ASXL3: variants seen among roughly 807,000 people sequenced by gnomAD.
The protein encoded by ASXL3 is putative Polycomb group protein ASXL3.
A neutral mutation model predicts 170.6 loss-of-function variants in ASXL3; 34 were observed. The ratio of observed to expected loss-of-function variants is 0.20; its 90% CI spans 0.15 to 0.27. The LOEUF is 0.27. ASXL3 is among the 10% of genes least tolerant of loss of function. The pLI is 1.00. For synonymous variants in ASXL3, 1,002 were observed against 989.1 expected, an observed-to-expected ratio of 1.01 and a Z score of -0.24; for missense variants, 2,592 against 2,695.3, an observed-to-expected ratio of 0.96 and a Z score of 0.85.
In ASXL3 at chr18:33,638,011, C is replaced by T. The variant is rs181047485; in HGVS notation, c.138-6883C>T. ...GCTTGACATACATAAATAGAGTGCT[C>T]AATAAATGTTTGTTCAGTGAAAGAA... is the stretch of plus-strand genomic sequence containing the variant. On this transcript the variant is annotated intron_variant, in intron 2 of 11. Coordinates refer to ENST00000269197, the MANE Select transcript of ASXL3 (RefSeq NM_030632.3). Among the ~76,000 whole-genome samples, 698 of 151,956 alleles carry T rather than the reference C, an allele frequency of 4.6e-3. 4 individuals carry two copies. Among genetic ancestry groups the T allele is most frequent in the Admixed American group, 0.013 (200 of 15,216 alleles).
At chr18:33,663,356 TC>T (rs1210435282) in intron 5 of ASXL3, among the ~76,000 whole-genome samples, 1 of 152,148 alleles carries the variant, frequency 6.6e-6, no homozygotes, top group Non-Finnish European at 1.5e-5. Context: ...CATGAAATCT[TC>T]CTGTATATGA....
chr18:33,643,989 T>C (rs2145197307), intron 2 of ASXL3, among the ~76,000 whole-genome samples: 1 of 152,040 alleles, frequency 6.6e-6, no homozygotes, highest in African/African-American at 2.4e-5. Flanking sequence ...GCAATAATTG[T>C]AGCTCTAAAT....
At position 33,738,502 on chromosome 18, in the gene ASXL3, A is replaced by G. The variant is rs545827056; in HGVS notation, c.1098A>G (p.Arg366=). The G allele has an allele frequency of 1.2e-6, 2 of 1,609,420 alleles. No homozygotes were observed. Among genetic ancestry groups the G allele is most frequent in the Admixed American group, 3.4e-5 (2 of 59,470 alleles). ...RFYGEKLGMS[R]EESVKLTTGP... Reference sequence around the variant, plus strand: ...TTCTGTACAGGCTGGGCATGTCAAGAGAGGAATCTGTGAAGCTCACTACTG... The same window carrying G: ...TTCTGTACAGGCTGGGCATGTCAAGGGAGGAATCTGTGAAGCTCACTACTG... Residue 366 remains arginine, a synonymous_variant, in exon 11 of 12, where the codon AGA becomes AGG. Coordinates refer to ENST00000269197, the MANE Select transcript of ASXL3 (RefSeq NM_030632.3).
intron 2 of ASXL3, among the ~76,000 whole-genome samples, chr18:33,640,542 T>C (rs73955164): frequency 3.4e-3 from 519 of 152,242 alleles, no homozygotes; most frequent in African/African-American, 0.011. Context: ...GTGTACATTA[T>C]TAATGTTTTA....
At chr18:33,606,131 C>T (rs2065245713) in intron 1 of ASXL3, among the ~76,000 whole-genome samples, 2 of 151,820 alleles carry the variant, frequency 1.3e-5, no homozygotes, top group African/African-American at 4.8e-5. Context: ...ATGCAGTTTC[C>T]TTATTGCCTT....
intron 2 of ASXL3, among the ~76,000 whole-genome samples, chr18:33,632,650 A>G (rs1289296876): frequency 6.6e-6 from 1 of 152,152 alleles, no homozygotes; most frequent in Admixed American, 6.6e-5. Flanking sequence ...AGAAAAAACC[A>G]GCCTACTGTT....
intron 2 of ASXL3, chr18:33,641,874 T>G (rs913858934): frequency 1.3e-5 from 2 of 152,534 alleles, no homozygotes; most frequent in Non-Finnish European, 2.9e-5. Context: ...TTGGATGTTT[T>G]ATTATTTCAT....
chr18:33,709,086 C>G (rs1456766502), intron 8 of ASXL3, among the ~76,000 whole-genome samples: 1 of 152,080 alleles, frequency 6.6e-6, no homozygotes, highest in African/African-American at 2.4e-5. Context: ...TGTAATACAA[C>G]TGCTTGACCA....
Position 33,749,426 on chromosome 18 carries a change from C to T in ASXL3, c.*2831C>T, listed in dbSNP as rs539385622. 1.3e-5 allele frequency: 2 copies of T among 151,788 alleles called. No individual in the cohort carries two copies. The highest frequency in any genetic ancestry group is 6.6e-5 in the Admixed American group (1 of 15,228). 9.4% of individuals were successfully genotyped at this position (151,788 alleles called of 1,614,324 possible). On this transcript the variant is annotated 3_prime_UTR_variant, in exon 12 of 12. Coordinates refer to ENST00000269197, the MANE Select transcript of ASXL3 (RefSeq NM_030632.3). ...ATTCTTATCAGGAATAGAACTTGCA[C>T]ATGTACCATACAATTTTTTTTTTTT...
At chr18:33,652,603 C>CAAAAAAAAAAAAAAAAAAAAAAAA (rs554834298) in intron 4 of ASXL3, among the ~76,000 whole-genome samples, 3 of 112,324 alleles carry the variant, frequency 2.7e-5, no homozygotes, top group Non-Finnish European at 5.3e-5. Context: ...TCTGTTGGGG[C>CAAAAAAAAAAAAAAAAAAAAAAAA]AAAAAAAAAA....
At chr18:33,666,788 A>C (rs1393682652) in intron 5 of ASXL3, among the ~76,000 whole-genome samples, 1 of 152,186 alleles carries the variant, frequency 6.6e-6, no homozygotes, top group African/African-American at 2.4e-5. Flanking sequence ...AGATGTAAAA[A>C]AAAATAACTC....
intron 8 of ASXL3, among the ~76,000 whole-genome samples, chr18:33,691,191 G>A (rs1456400434): frequency 6.6e-6 from 1 of 152,170 alleles, no homozygotes; most frequent in Non-Finnish European, 1.5e-5. Flanking sequence ...TGCAATGACA[G>A]CACAGGCTTC....
At chr18:33,624,342 T>C (rs979869798) in intron 2 of ASXL3, among the ~76,000 whole-genome samples, 1 of 152,070 alleles carries the variant, frequency 6.6e-6, no homozygotes, top group Non-Finnish European at 1.5e-5. Flanking sequence ...TAGCAAATTA[T>C]ACCTATTGAT....
chr18:33,705,461 T>C (rs1165978965), intron 8 of ASXL3, among the ~76,000 whole-genome samples: 1 of 151,816 alleles, frequency 6.6e-6, no homozygotes, highest in Non-Finnish European at 1.5e-5. Flanking sequence ...TGTTACAAAC[T>C]TCTAATTTAT....
At chr18:33,710,469 C>G (rs1315031985) in intron 8 of ASXL3, among the ~76,000 whole-genome samples, 1 of 152,202 alleles carries the variant, frequency 6.6e-6, no homozygotes, top group Non-Finnish European at 1.5e-5. Flanking sequence ...TTTGAGTTTT[C>G]TCTTTCAGTG....
chr18:33,578,595 C>T lies in ASXL3; in HGVS notation c.-37C>T. On this transcript the variant is annotated 5_prime_UTR_variant, in exon 1 of 12. Coordinates refer to ENST00000269197, the MANE Select transcript of ASXL3 (RefSeq NM_030632.3). ...GAACCCCGAGCACCCCGTGGAATCC[C>T]CCACGTCATCATCAGAACCATCAAT... 1 of 1,251,770 alleles carries T rather than the reference C, an allele frequency of 8.0e-7. No individual in the cohort carries two copies. Among genetic ancestry groups the T allele is most frequent in the Non-Finnish European group, 1.0e-6 (1 of 963,590 alleles). 77.5% of individuals were successfully genotyped at this position (1,251,770 alleles called of 1,614,324 possible).
intron 2 of ASXL3, among the ~76,000 whole-genome samples, chr18:33,609,419 A>G (rs1279112937): frequency 6.6e-6 from 1 of 152,002 alleles, no homozygotes; most frequent in Non-Finnish European, 1.5e-5. Flanking sequence ...CTCTGCTGTT[A>G]TCAGTTGTTA....
intron 8 of ASXL3, chr18:33,690,431 G>A (rs2066669739): frequency 6.6e-6 from 1 of 152,180 alleles, no homozygotes; most frequent in South Asian, 2.1e-4. Flanking sequence ...GTATATGTGT[G>A]TGTGAATGCT....
rs2145432550 is a variant in ASXL3 at position 33,745,393 on chromosome 18, T to C, written c.5545T>C (p.Leu1849=). Reference sequence around the variant, plus strand: ...AGTTAAATGTGAACCAGGAAAATTGTTGGTGGAGCCAGATGTTAAAGGGGT... The same window carrying C: ...AGTTAAATGTGAACCAGGAAAATTGCTGGTGGAGCCAGATGTTAAAGGGGT... ...TQVKCEPGKL[L]VEPDVKGVPC... is the part of the protein sequence containing the mutation. Residue 1849 remains leucine, a synonymous_variant, in exon 12 of 12, where the codon TTG becomes CTG. Transcript: ENST00000269197. The C allele has an allele frequency of 1.9e-6, 3 of 1,613,986 alleles. No individual in the cohort carries two copies. The highest frequency in any genetic ancestry group is 2.2e-5 in the East Asian group (1 of 44,866).
Sources: allele counts gnomAD v4.1 joint callset (sites outside exome capture counted in the v4.1 genomes callset), GRCh38; gene constraint gnomAD v4.1.1; transcripts MANE v1.5; gene names NCBI Gene and HGNC (gene_info 2026-07-23, HGNC 2026-07-21).